The following DNAH6 variants were observed in gnomAD, a reference collection of about 807,000 sequenced individuals.
DNAH6 encodes dynein axonemal heavy chain 6.
DNAH6 carries 340 observed loss-of-function variants against 491.4 expected under a neutral mutation model. The observed-to-expected ratio is 0.69, with a 90% CI of 0.63 to 0.76. DNAH6 has a LOEUF of 0.76. Ranked by LOEUF, DNAH6 falls within the 30% of genes least tolerant of loss-of-function variation. The pLI, the probability that DNAH6 is intolerant of heterozygous loss-of-function variation, is 0.00. For synonymous variants in DNAH6, 1,603 were observed against 1,686.1 expected, an observed-to-expected ratio of 0.95 and a Z score of 1.21; for missense variants, 4,443 against 4,972.2, an observed-to-expected ratio of 0.89 and a Z score of 3.20.
At position 84,529,060 on chromosome 2, in the gene DNAH6, C is replaced by G. The variant is rs1469450171; in HGVS notation, c.556C>G (p.Pro186Ala). ...EEVVKANIRD[P>A]LQIIKIIREN... ...AGTTGTTAAAGCCAACATTCGTGATCCCTTGCAAATCATTAAAATAATACG... is the reference window on the plus strand; with the variant it reads ...AGTTGTTAAAGCCAACATTCGTGATGCCTTGCAAATCATTAAAATAATACG... The change falls in exon 4 of 77, where the codon CCC becomes GCC. Residue 186 changes from proline to alanine, a missense_variant. By Grantham distance (27) the Pro-to-Ala change is conservative. Coordinates refer to ENST00000389394, the MANE Select transcript of DNAH6 (RefSeq NM_001370.2). 1.9e-6 allele frequency: 3 copies of G among 1,551,240 alleles called. No homozygotes were observed. Among genetic ancestry groups the G allele is most frequent in the South Asian group, 2.4e-5 (2 of 84,034 alleles).
At chr2:84,511,861 G>A (rs1675344823), upstream of DNAH6, among the ~76,000 whole-genome samples, 1 of 152,062 alleles carries the variant, frequency 6.6e-6, no homozygotes, top group Non-Finnish European at 1.5e-5. Flanking sequence ...ACATTCCTGT[G>A]ATGAATCATA....
At chr2:84,569,068 A>T (rs1394304001) in intron 11 of DNAH6, among the ~76,000 whole-genome samples, 3 of 152,226 alleles carry the variant, frequency 2.0e-5, no homozygotes, top group Non-Finnish European at 4.4e-5. Context: ...GTAAGTACAT[A>T]TGCACTAGAT....
chr2:84,545,119 A>C (rs1678646986), intron 5 of DNAH6, among the ~76,000 whole-genome samples: 1 of 152,132 alleles, frequency 6.6e-6, no homozygotes, highest in Non-Finnish European at 1.5e-5. Flanking sequence ...TTACTGTCAC[A>C]CTCAGAGTTC....
At chr2:84,495,407 T>C in the DNAH6 span, among the ~76,000 whole-genome samples, 1 of 152,208 alleles carries the variant, frequency 6.6e-6, no homozygotes, top group East Asian at 1.9e-4. Context: ...AGGTGATCCA[T>C]CCACTTTGGC....
At chr2:84,768,617 A>AT (rs538639956) in intron 64 of DNAH6, among the ~76,000 whole-genome samples, 106 of 152,292 alleles carry the variant, frequency 7.0e-4, no homozygotes, top group African/African-American at 2.4e-3. Context: ...TTCAAGACAA[A>AT]TATAATAAAA....
intron 37 of DNAH6, among the ~76,000 whole-genome samples, chr2:84,667,060 T>C (rs62164308): frequency 3.9e-5 from 6 of 152,086 alleles, no homozygotes; most frequent in East Asian, 1.9e-4. Context: ...AAAGCTGAAA[T>C]TGGATCCCTT....
the DNAH6 span, among the ~76,000 whole-genome samples, chr2:84,465,426 C>T: frequency 3.3e-5 from 5 of 151,840 alleles, no homozygotes; most frequent in South Asian, 2.1e-4. Context: ...ACCCGGGAGG[C>T]GGAGCTTGCA....
At chr2:84,707,860 T>G in intron 54 of DNAH6, 144 bp downstream of exon 54, 1 of 630,970 alleles carries the variant, frequency 1.6e-6, no homozygotes, top group Non-Finnish European at 2.7e-6. Flanking sequence ...TCACAGCGCT[T>G]CACTCCCCAA....
chr2:84,705,368 C>A, intron 51 of DNAH6, 118 bp from the exon 52 acceptor site: 3 of 1,042,638 alleles, frequency 2.9e-6, no homozygotes, highest in Non-Finnish European at 4.0e-6. Flanking sequence ...AATTATAGTA[C>A]CAAGATTAAA....
intron 62 of DNAH6, among the ~76,000 whole-genome samples, chr2:84,743,857 A>G (rs1401992811): frequency 6.6e-6 from 1 of 152,162 alleles, no homozygotes; most frequent in Non-Finnish European, 1.5e-5. Flanking sequence ...ATTAGATACC[A>G]TCTTCTAATG....
At chr2:84,697,224 A>C (rs1357513766) in intron 46 of DNAH6, among the ~76,000 whole-genome samples, 1 of 152,236 alleles carries the variant, frequency 6.6e-6, no homozygotes, top group African/African-American at 2.4e-5. Flanking sequence ...ATGGTGCATC[A>C]GCTCAATGGT....
chr2:84,758,563 GATAAT>G (rs746594337), intron 63 of DNAH6, among the ~76,000 whole-genome samples: 104 of 152,114 alleles, frequency 6.8e-4, no homozygotes, highest in Non-Finnish European at 1.1e-3. Flanking sequence ...ACATCAAAAA[GATAAT>G]ATAATATAAA....
the DNAH6 span, among the ~76,000 whole-genome samples, chr2:84,467,503 G>A: frequency 1.3e-5 from 2 of 152,182 alleles, no homozygotes; most frequent in Non-Finnish European, 2.9e-5. Flanking sequence ...AGCATAGCTA[G>A]GAGGCTAACT....
chr2:84,804,782 G>T (rs989564158), intron 70 of DNAH6, among the ~76,000 whole-genome samples: 3 of 152,032 alleles, frequency 2.0e-5, no homozygotes, highest in African/African-American at 7.2e-5. Flanking sequence ...TAAGCATACA[G>T]TTCAGTGGCA....
At chr2:84,676,144 C>T (rs1693215678) in intron 40 of DNAH6, among the ~76,000 whole-genome samples, 1 of 152,198 alleles carries the variant, frequency 6.6e-6, no homozygotes, top group South Asian at 2.1e-4. Flanking sequence ...ATATTCATAG[C>T]ACTTATTCTG....
Position 84,670,329 on chromosome 2 carries a change from C to A in DNAH6, c.6308C>A (p.Ser2103Tyr). 1 of 1,518,950 alleles carries A rather than the reference C, an allele frequency of 6.6e-7. No homozygotes were observed. The highest frequency in any genetic ancestry group is 8.9e-7 in the Non-Finnish European group (1 of 1,126,858). The allele number at this position is 1,518,950 out of a possible 1,614,324, so 94.1% of individuals were successfully genotyped here. ...LFTGITGVGK[S>Y]VIAKGLLNKI... is the part of the protein sequence containing the mutation. ...TTAATTAACTTATTTTAATTTAAGT[C>A]TGTGATTGCAAAAGGATTGCTAAAT... is the stretch of plus-strand genomic sequence containing the variant. Residue 2103 changes from serine (S) to tyrosine (Y), a missense_variant and splice_region_variant, in exon 39 of 77, where the codon TCT becomes TAT. Physicochemically the swap from Ser to Tyr is moderately radical, Grantham distance 144. This residue lies in a region of DNAH6 where 2,977 missense variants were observed against 3,296.6 expected (regional missense o/e 0.90). Transcript: ENST00000389394.
chr2:84,664,363 G>T (rs987096556), intron 37 of DNAH6, among the ~76,000 whole-genome samples: 6 of 152,034 alleles, frequency 3.9e-5, no homozygotes, highest in Non-Finnish European at 8.8e-5. Flanking sequence ...CATCTCACGT[G>T]CAAAGACACA....
intron 76 of DNAH6, among the ~76,000 whole-genome samples, chr2:84,817,496 G>T (rs1440785676): frequency 6.6e-6 from 1 of 151,994 alleles, no homozygotes; most frequent in Non-Finnish European, 1.5e-5. Flanking sequence ...AGCCAGGTGT[G>T]GTATCATGTG....
chr2:84,749,870 TAAC>T (rs992682851), intron 63 of DNAH6, among the ~76,000 whole-genome samples: 1 of 152,238 alleles, frequency 6.6e-6, no homozygotes, highest in Non-Finnish European at 1.5e-5. Context: ...CTGATTTCTT[TAAC>T]AACACGTTTT....
Sources: gnomAD v4.1 joint callset for allele counts (sites outside exome capture counted in the v4.1 genomes callset) on GRCh38, gnomAD v4.1.1 for gene constraint, gnomAD v4.1.1 regional missense constraint, MANE v1.5 for transcripts, NCBI Gene and HGNC (gene_info 2026-07-23, HGNC 2026-07-21) for gene names.